LRRTM3: variants seen among roughly 807,000 people sequenced by gnomAD.
The protein encoded by LRRTM3 is leucine-rich repeat transmembrane neuronal protein 3.
Under a neutral mutation model 44.7 loss-of-function variants are expected in LRRTM3, and 24 were observed. The ratio of observed to expected loss-of-function variants is 0.54; its 90% CI spans 0.39 to 0.76. LRRTM3 has a LOEUF of 0.76. Among genes scored for constraint, LRRTM3 ranks in the 30% least tolerant of loss-of-function variants. The pLI, the probability that LRRTM3 is intolerant of heterozygous loss-of-function variation, is 0.00. For synonymous variants in LRRTM3, 277 were observed against 278.7 expected (o/e 0.99, Z 0.06); for missense variants, 587 against 702.2 (o/e 0.84, Z 1.85).
At chr10:66,931,015 C>G (rs1847355796) in intron 2 of LRRTM3, among the ~76,000 whole-genome samples, 1 of 152,066 alleles carries the variant, frequency 6.6e-6, no homozygotes, top group Admixed American at 6.5e-5. Flanking sequence ...AACTGCCAGT[C>G]TCCTGCTCAA....
rs1379882372 is a variant in LRRTM3 at position 66,926,153 on chromosome 10, ATC to A, written c.-430_-429del. The A allele has an allele frequency of 7.6e-5, 35 of 461,146 alleles. No individual in the cohort carries two copies. The highest frequency in any genetic ancestry group is 5.2e-4 in the African/African-American group (26 of 50,306). The allele number at this position is 461,146 out of a possible 1,614,324, so 28.6% of individuals were successfully genotyped here. ...AGCTCTGTGGCTGAACTGGGTGCTC[ATC>A]ACGGGAACTGCTGGGGTATGGAATA... On this transcript the variant is annotated 5_prime_UTR_variant, in exon 1 of 3. Transcript: ENST00000361320.
intron 2 of LRRTM3, among the ~76,000 whole-genome samples, chr10:67,002,069 T>A (rs536018038): frequency 6.6e-6 from 1 of 152,290 alleles, no homozygotes; most frequent in South Asian, 2.1e-4. Flanking sequence ...TATTAACTTT[T>A]AGGAGCTCAG....
chr10:66,946,343 G>A (rs1848272980), intron 2 of LRRTM3, among the ~76,000 whole-genome samples: 1 of 152,118 alleles, frequency 6.6e-6, no homozygotes, highest in African/African-American at 2.4e-5. Context: ...AATTAAGTTA[G>A]CAATATTTTA....
intron 2 of LRRTM3, among the ~76,000 whole-genome samples, chr10:67,020,903 A>T (rs1045091873): frequency 1.4e-4 from 22 of 152,160 alleles, no homozygotes; most frequent in Non-Finnish European, 4.4e-5. Flanking sequence ...CAGGAATAAG[A>T]GTATGACATT....
At chr10:67,013,115 A>G (rs1394197475) in intron 2 of LRRTM3, 6 of 152,184 alleles carry the variant, frequency 3.9e-5, no homozygotes, top group African/African-American at 1.2e-4. Flanking sequence ...TTCATTTTCT[A>G]CATGGAGAAA....
chr10:66,974,003 C>T (rs1436771309), intron 2 of LRRTM3, among the ~76,000 whole-genome samples: 1 of 152,020 alleles, frequency 6.6e-6, no homozygotes, highest in Non-Finnish European at 1.5e-5. Flanking sequence ...TAGGTTTTAC[C>T]AACTGTATAC....
At chr10:67,037,910 G>C (rs1208742268) in intron 2 of LRRTM3, among the ~76,000 whole-genome samples, 6 of 152,006 alleles carry the variant, frequency 3.9e-5, no homozygotes, top group Non-Finnish European at 7.4e-5. Flanking sequence ...GAAGGTCCAG[G>C]ACAGAAACCC....
chr10:66,963,592 G>T (rs755551187), intron 2 of LRRTM3, among the ~76,000 whole-genome samples: 1 of 152,098 alleles, frequency 6.6e-6, no homozygotes, highest in Non-Finnish European at 1.5e-5. Flanking sequence ...GGGTAGAGAG[G>T]TTTACTGGGT....
intron 2 of LRRTM3, among the ~76,000 whole-genome samples, chr10:67,010,706 A>G (rs1022013175): frequency 6.6e-6 from 1 of 152,234 alleles, no homozygotes; most frequent in Non-Finnish European, 1.5e-5. Flanking sequence ...GCAAGAAAGA[A>G]GAGTGTTAGC....
chr10:66,943,508 A>C (rs900149527), intron 2 of LRRTM3, among the ~76,000 whole-genome samples: 3 of 89,178 alleles, frequency 3.4e-5, no homozygotes, highest in Non-Finnish European at 7.7e-5. Flanking sequence ...CCCAAATCCA[A>C]TTCCCCCACC....
chr10:66,972,126 G>A (rs1014526515), intron 2 of LRRTM3, among the ~76,000 whole-genome samples: 1 of 152,028 alleles, frequency 6.6e-6, no homozygotes, highest in East Asian at 1.9e-4. Context: ...TACTCCTTAT[G>A]ATAGAATATC....
chr10:67,024,901 C>A (rs1042810655), intron 2 of LRRTM3, among the ~76,000 whole-genome samples: 1 of 151,928 alleles, frequency 6.6e-6, no homozygotes, highest in Non-Finnish European at 1.5e-5. Context: ...GGGGCCAAGG[C>A]GGGCGGATCA....
In LRRTM3 at chr10:66,926,747, T is replaced by TA. The variant is rs567084341; in HGVS notation, c.4+167dup. On this transcript the variant is annotated intron_variant, in intron 1 of 2. Transcript: ENST00000361320. ...TGGCATGTTTCCTTGTTTAACTATT[T>TA]AAAAAAACAAAACACTAAAGACAAT... Among the ~76,000 whole-genome samples, 7 of 152,248 alleles carry TA rather than the reference T, an allele frequency of 4.6e-5. No homozygotes were observed. In the South Asian group the frequency reaches 8.3e-4, roughly 18 times the overall value.
At chr10:66,978,641 G>T (rs1850224714) in intron 2 of LRRTM3, among the ~76,000 whole-genome samples, 1 of 142,528 alleles carries the variant, frequency 7.0e-6, no homozygotes. Context: ...TTTTTAAAAA[G>T]AGAGAAAAAA....
chr10:66,943,515 C>A (rs935758695), intron 2 of LRRTM3, among the ~76,000 whole-genome samples: 1 of 62,926 alleles, frequency 1.6e-5, no homozygotes, highest in Non-Finnish European at 4.5e-5. Flanking sequence ...CCAATTCCCC[C>A]ACCCTTTTTT....
intron 2 of LRRTM3, among the ~76,000 whole-genome samples, chr10:66,964,099 C>T (rs1796612860): frequency 6.6e-6 from 1 of 152,020 alleles, no homozygotes; most frequent in Non-Finnish European, 1.5e-5. Context: ...ATCTGCCTGC[C>T]TCAGCCTCCC....
chr10:67,052,153 T>A (rs934275599), intron 2 of LRRTM3, among the ~76,000 whole-genome samples: 2 of 152,190 alleles, frequency 1.3e-5, no homozygotes, highest in African/African-American at 4.8e-5. Flanking sequence ...AGCATTGAGT[T>A]TTCTTTCCCT....
intron 2 of LRRTM3, among the ~76,000 whole-genome samples, chr10:66,966,846 T>G (rs1053222312): frequency 6.6e-6 from 1 of 152,072 alleles, no homozygotes; most frequent in Non-Finnish European, 1.5e-5. Context: ...TTACCCAACA[T>G]AGAACTATAG....
chr10:66,995,375 T>A (rs1368415458), intron 2 of LRRTM3, among the ~76,000 whole-genome samples: 2 of 152,142 alleles, frequency 1.3e-5, no homozygotes, highest in Non-Finnish European at 2.9e-5. Flanking sequence ...GCCATAGCCT[T>A]GGTTCAAGTC....
Sources: gnomAD v4.1 joint callset for allele counts (sites outside exome capture counted in the v4.1 genomes callset) on GRCh38, gnomAD v4.1.1 for gene constraint, MANE v1.5 for transcripts, NCBI Gene and HGNC (gene_info 2026-07-23, HGNC 2026-07-21) for gene names.